Variants in FNIP1 observed in about 807,000 individuals in gnomAD.
The protein encoded by FNIP1 is folliculin interacting protein 1.
FNIP1 carries 40 observed loss-of-function variants against 124.5 expected under a neutral mutation model. That is an observed-to-expected ratio of 0.32 (90% CI 0.25 to 0.42). The LOEUF (loss-of-function observed/expected upper bound fraction) is 0.42, where lower values mean the gene tolerates loss of function less well. Among genes scored for constraint, FNIP1 ranks in the 10% least tolerant of loss-of-function variants. FNIP1 has a pLI of 1.00. For synonymous variants in FNIP1, 472 were observed against 470.6 expected (o/e 1.00, Z -0.04); for missense variants, 1,176 against 1,403.7 (o/e 0.84, Z 2.59).
intron 2 of FNIP1, among the ~76,000 whole-genome samples, chr5:131,733,004 T>C (rs1770151971): frequency 6.6e-6 from 1 of 152,176 alleles, no homozygotes; most frequent in Admixed American, 6.5e-5. Context: ...TTTTATTTCG[T>C]TGAGCAGTGG....
intron 2 of FNIP1, among the ~76,000 whole-genome samples, chr5:131,735,157 T>C (rs1770245518): frequency 6.6e-6 from 1 of 152,058 alleles, no homozygotes; most frequent in Non-Finnish European, 1.5e-5. Context: ...ATGTCCTTTG[T>C]AGGGACACGG....
At chr5:131,794,716 T>C (rs1199309323) in intron 1 of FNIP1, among the ~76,000 whole-genome samples, 1 of 152,090 alleles carries the variant, frequency 6.6e-6, no homozygotes. Flanking sequence ...GAGGATCCCT[T>C]GAGCCCAGGA....
rs33956526 is a variant in FNIP1 at position 131,664,634 on chromosome 5, C to CAAAA, written c.3108+5825_3108+5828dup. ...TGGATGACAGAGCAAGACCCTGTCT[C>CAAAA]AAAAAAAAAAAAAAAAAAAAAGAGC... On this transcript the variant is annotated intron_variant, in intron 15 of 17. Transcript: ENST00000510461. 5.6e-3 allele frequency among the ~76,000 whole-genome samples: 413 copies of CAAAA among 73,296 alleles called. 2 individuals are homozygous for CAAAA. The highest frequency in any genetic ancestry group is 0.013 in the Middle Eastern group (1 of 80). The allele number at this position is 73,296 out of a possible 152,430, so 48.1% of individuals were successfully genotyped here. A position where few individuals can be genotyped will look rare whatever the true frequency, so the allele number is the denominator to read the frequency against.
chr5:131,710,535 T>C lies in FNIP1; in HGVS notation c.706+43A>G, dbSNP rs199984689. On this transcript the variant is annotated intron_variant, in intron 7 of 17. Transcript: ENST00000510461. ...ACAGCTTAACTACAGATTCTAGCCG[T>C]TGGGGCACACCAACTAGTCTACCCA... The C allele has an allele frequency of 8.9e-6, 14 of 1,578,410 alleles. No homozygotes were observed. The Admixed American group carries it at 1.4e-4, about 16-fold the overall frequency.
intron 3 of FNIP1, among the ~76,000 whole-genome samples, chr5:131,722,722 G>A (rs1769709229): frequency 2.0e-5 from 3 of 152,114 alleles, no homozygotes. Flanking sequence ...TCTTGCTCTT[G>A]TCGCCCAGGC....
chr5:131,701,068 G>A (rs1372553169), intron 10 of FNIP1, among the ~76,000 whole-genome samples: 8 of 152,152 alleles, frequency 5.3e-5, no homozygotes, highest in African/African-American at 1.9e-4. Flanking sequence ...GCAAGTGAGC[G>A]AGCATTACTG....
chr5:131,760,791 A>G (rs1424687231), intron 1 of FNIP1, among the ~76,000 whole-genome samples: 1 of 151,864 alleles, frequency 6.6e-6, no homozygotes, highest in Non-Finnish European at 1.5e-5. Context: ...TTCAAAAGCT[A>G]TGCATGTAGA....
chr5:131,738,257 A>G (rs897717684), intron 2 of FNIP1, among the ~76,000 whole-genome samples: 1 of 152,154 alleles, frequency 6.6e-6, no homozygotes, highest in Non-Finnish European at 1.5e-5. Context: ...ATCAATTTGT[A>G]TATCAACGCT....
intron 1 of FNIP1, among the ~76,000 whole-genome samples, chr5:131,763,641 C>G (rs901997944): frequency 2.0e-5 from 3 of 152,008 alleles, no homozygotes; most frequent in African/African-American, 7.2e-5. Flanking sequence ...CTAATCACCT[C>G]CCACCAAGCC....
intron 16 of FNIP1, 35 bp downstream of exon 16, chr5:131,651,767 C>T: frequency 6.3e-7 from 1 of 1,598,272 alleles, no homozygotes; most frequent in Non-Finnish European, 8.6e-7. Context: ...TTAAGCAGTG[C>T]TTAAAGTAAT....
At chr5:131,767,555 T>C (rs1771480297) in intron 1 of FNIP1, among the ~76,000 whole-genome samples, 1 of 151,830 alleles carries the variant, frequency 6.6e-6, no homozygotes, top group Non-Finnish European at 1.5e-5. Flanking sequence ...GCTGTGGAAA[T>C]TCCTTCCAGA....
At chr5:131,701,564 T>TA (rs1340692088) in intron 10 of FNIP1, among the ~76,000 whole-genome samples, 1 of 152,248 alleles carries the variant, frequency 6.6e-6, no homozygotes, top group African/African-American at 2.4e-5. Flanking sequence ...ATTTGTTCAA[T>TA]AAAAATGTAT....
intron 3 of FNIP1, among the ~76,000 whole-genome samples, chr5:131,725,092 T>G (rs1471034643): frequency 6.6e-6 from 1 of 152,202 alleles, no homozygotes; most frequent in Non-Finnish European, 1.5e-5. Context: ...CATGCTGTTT[T>G]GCTTACTGTA....
intron 1 of FNIP1, among the ~76,000 whole-genome samples, chr5:131,768,249 A>G (rs758956254): frequency 2.6e-5 from 4 of 152,158 alleles, no homozygotes; most frequent in Non-Finnish European, 5.9e-5. Flanking sequence ...ACACCATAAG[A>G]GCTATCATGT....
At chr5:131,782,059 T>C (rs1272282127) in intron 1 of FNIP1, among the ~76,000 whole-genome samples, 2 of 151,900 alleles carry the variant, frequency 1.3e-5, no homozygotes, top group African/African-American at 4.8e-5. Flanking sequence ...AAAGCTGAGG[T>C]GGGAGGATCA....
intron 3 of FNIP1, among the ~76,000 whole-genome samples, chr5:131,722,948 T>C (rs1267555488): frequency 6.6e-6 from 1 of 152,206 alleles, no homozygotes; most frequent in Non-Finnish European, 1.5e-5. Context: ...CCTCCCAAAG[T>C]GCTGGGATTA....
At chr5:131,704,633 G>C (rs1246960536) in intron 9 of FNIP1, among the ~76,000 whole-genome samples, 1 of 151,920 alleles carries the variant, frequency 6.6e-6, no homozygotes, top group African/African-American at 2.4e-5. Flanking sequence ...TTTGATTTCA[G>C]GAGTAAAGTC....
intron 15 of FNIP1, among the ~76,000 whole-genome samples, chr5:131,663,002 C>T (rs562560010): frequency 6.6e-6 from 1 of 152,234 alleles, no homozygotes; most frequent in South Asian, 2.1e-4. Context: ...CTCGGCCTCC[C>T]AAAGTGCTGG....
In FNIP1 at chr5:131,670,542, G is replaced by A; in HGVS notation, c.3029C>T (p.Pro1010Leu). 6.2e-7 allele frequency: 1 copy of A among 1,613,772 alleles called. No homozygotes were observed. The highest frequency in any genetic ancestry group is 8.5e-7 in the Non-Finnish European group (1 of 1,179,914). Residue 1010 changes from proline (P) to leucine (L), a missense_variant, in exon 15 of 18, where the codon CCT (proline) becomes CTT (leucine). Physicochemically the swap from Pro to Leu is moderately conservative, Grantham distance 98. Coordinates refer to ENST00000510461, the MANE Select transcript of FNIP1 (RefSeq NM_133372.3). ...CCCAATTCCTTGAAGAACAAAGTCA[G>A]GCACATAAGATGAGCAGTAGCCACC... ...LLGGYCSSYVPDFVLQGIGSD... is the reference protein window; with the variant it reads ...LLGGYCSSYVLDFVLQGIGSD...
Sources: allele counts gnomAD v4.1 joint callset (sites outside exome capture counted in the v4.1 genomes callset), GRCh38; gene constraint gnomAD v4.1.1; transcripts MANE v1.5; gene names NCBI Gene and HGNC (gene_info 2026-07-23, HGNC 2026-07-21).